Variants in SPMIP7 observed in about 807,000 individuals in gnomAD.
SPMIP7 encodes sperm microtubule inner protein 7.
chr7:50,147,751 C>A, the SPMIP7 span, among the ~76,000 whole-genome samples: 1 of 152,092 alleles, frequency 6.6e-6, no homozygotes, highest in South Asian at 2.1e-4. Flanking sequence ...TGGTTGAGAA[C>A]CAATTCATTG....
chr7:50,146,090 G>A, the SPMIP7 span, among the ~76,000 whole-genome samples: 1 of 152,076 alleles, frequency 6.6e-6, no homozygotes, highest in Non-Finnish European at 1.5e-5. Context: ...CCACAACCCA[G>A]GTTAAAGAAT....
At chr7:50,150,919 A>G in the SPMIP7 span, among the ~76,000 whole-genome samples, 1 of 152,264 alleles carries the variant, frequency 6.6e-6, no homozygotes, top group Non-Finnish European at 1.5e-5. Context: ...ACTGTTGTAG[A>G]ATTAATGCTG....
the SPMIP7 span, among the ~76,000 whole-genome samples, chr7:50,112,549 T>C: frequency 6.6e-6 from 1 of 152,030 alleles, no homozygotes; most frequent in East Asian, 1.9e-4. Flanking sequence ...AAGTAATGAA[T>C]AAATTAGAGA....
At chr7:50,157,852 G>A in the SPMIP7 span, among the ~76,000 whole-genome samples, 43 of 152,062 alleles carry the variant, frequency 2.8e-4, no homozygotes, top group Non-Finnish European at 5.0e-4. Context: ...AGTAACCCAA[G>A]GGGATAAAAC....
chr7:50,115,416 A>T, the SPMIP7 span, among the ~76,000 whole-genome samples: 2 of 152,254 alleles, frequency 1.3e-5, no homozygotes, highest in Admixed American at 6.5e-5. Flanking sequence ...AAAAAGGGGG[A>T]TATGGAACAT....
the SPMIP7 span, chr7:50,135,984 G>A: frequency 1.4e-6 from 1 of 723,870 alleles, no homozygotes; most frequent in East Asian, 2.7e-5. Flanking sequence ...GCGTTTCCTA[G>A]GGAGCCTGGG....
At chr7:50,127,085 A>G in the SPMIP7 span, among the ~76,000 whole-genome samples, 1 of 152,074 alleles carries the variant, frequency 6.6e-6, no homozygotes, top group African/African-American at 2.4e-5. Flanking sequence ...CAGATTAGGG[A>G]GCCCACATAT....
the SPMIP7 span, among the ~76,000 whole-genome samples, chr7:50,158,640 TG>T: frequency 1.3e-5 from 2 of 152,134 alleles, no homozygotes; most frequent in Non-Finnish European, 2.9e-5. Context: ...TACTACCCTC[TG>T]GGTGAGGTCT....
the SPMIP7 span, among the ~76,000 whole-genome samples, chr7:50,120,710 C>T: frequency 5.9e-5 from 9 of 152,156 alleles, no homozygotes; most frequent in Middle Eastern, 3.2e-3. Flanking sequence ...GCAAGGCTGG[C>T]TAGTCTAAGA....
the SPMIP7 span, among the ~76,000 whole-genome samples, chr7:50,148,749 T>C: frequency 6.6e-6 from 1 of 152,206 alleles, no homozygotes; most frequent in South Asian, 2.1e-4. Flanking sequence ...CTTGACAATG[T>C]GGCTGTAAAA....
chr7:50,132,528 T>G, the SPMIP7 span, among the ~76,000 whole-genome samples: 424 of 152,272 alleles, frequency 2.8e-3, 3 homozygotes, highest in African/African-American at 9.5e-3. Context: ...AGGGAAAAGT[T>G]TATTACCTTC....
the SPMIP7 span, chr7:50,096,086 A>G: frequency 7.5e-6 from 11 of 1,469,032 alleles, no homozygotes; most frequent in East Asian, 5.0e-5. Context: ...GAAAAAGGCC[A>G]TGGATGTAGA....
chr7:50,159,094 C>G, the SPMIP7 span: 96 of 1,551,918 alleles, frequency 6.2e-5, no homozygotes, highest in South Asian at 1.1e-3. Context: ...ACCAGGCTCC[C>G]CTGTCTCGAC....
chr7:50,135,547 G>A, the SPMIP7 span, among the ~76,000 whole-genome samples: 1 of 152,060 alleles, frequency 6.6e-6, no homozygotes, highest in African/African-American at 2.4e-5. Context: ...TAGAAAAAGT[G>A]AATTAAAATA....
At chr7:50,139,026 C>T in the SPMIP7 span, among the ~76,000 whole-genome samples, 2 of 151,948 alleles carry the variant, frequency 1.3e-5, no homozygotes, top group Non-Finnish European at 2.9e-5. Flanking sequence ...GAATGGTAAT[C>T]GTTTAAATAA....
At chr7:50,147,006 G>T in the SPMIP7 span, among the ~76,000 whole-genome samples, 154 of 152,300 alleles carry the variant, frequency 1.0e-3, 1 homozygote, top group African/African-American at 3.5e-3. Context: ...TCACACAGCT[G>T]GTCAGGGCAG....
At chr7:50,153,608 C>T in the SPMIP7 span, among the ~76,000 whole-genome samples, 2 of 152,148 alleles carry the variant, frequency 1.3e-5, no homozygotes, top group South Asian at 2.1e-4. Flanking sequence ...ACTCATGTCA[C>T]GGTCCCAGGA....
At chr7:50,133,542 C>A in the SPMIP7 span, among the ~76,000 whole-genome samples, 1 of 152,142 alleles carries the variant, frequency 6.6e-6, no homozygotes, top group Non-Finnish European at 1.5e-5. Context: ...TTCTGTGTGA[C>A]AGACTGCAGG....
At chr7:50,149,114 C>T in the SPMIP7 span, among the ~76,000 whole-genome samples, 1 of 150,270 alleles carries the variant, frequency 6.7e-6, no homozygotes, top group African/African-American at 2.5e-5. Flanking sequence ...CACTGTACTC[C>T]AGCCTGGGCA....
Sources: gnomAD v4.1 joint callset for allele counts (sites outside exome capture counted in the v4.1 genomes callset) on GRCh38, gnomAD v4.1.1 for gene constraint, MANE v1.5 for transcripts, NCBI Gene and HGNC (gene_info 2026-07-23, HGNC 2026-07-21) for gene names.